DOCK1: variants seen among roughly 807,000 people sequenced by gnomAD.
DOCK1 encodes the protein dedicator of cytokinesis 1, also known as dedicator of cytokinesis protein 1.
In DOCK1, 138 loss-of-function variants were observed where a neutral mutation model predicts 262.7. That is an observed-to-expected ratio of 0.53 (90% CI 0.46 to 0.61). The LOEUF (loss-of-function observed/expected upper bound fraction) is 0.61, where lower values mean the gene tolerates loss of function less well. Ranked by LOEUF, DOCK1 falls within the 20% of genes least tolerant of loss-of-function variation. The pLI is 0.00. For missense variants in DOCK1, 1,908 were observed against 2,370.7 expected (o/e 0.80, Z 4.05); for synonymous variants, 866 against 867.4 (o/e 1.00, Z 0.03).
intron 11 of DOCK1, among the ~76,000 whole-genome samples, chr10:127,010,633 T>C (rs1180486607): frequency 1.4e-4 from 22 of 152,180 alleles, no homozygotes; most frequent in Admixed American, 1.4e-3. Context: ...TTATGTTGTT[T>C]TGTAGTCCCA....
intron 1 of DOCK1, among the ~76,000 whole-genome samples, chr10:126,954,687 C>T (rs1470234349): frequency 2.6e-5 from 4 of 152,210 alleles, no homozygotes; most frequent in Non-Finnish European, 5.9e-5. Context: ...TCACACGCTT[C>T]TGTCCTTTTG....
At chr10:127,279,575 A>G (rs181811556) in intron 29 of DOCK1, among the ~76,000 whole-genome samples, 149 of 152,312 alleles carry the variant, frequency 9.8e-4, no homozygotes, top group African/African-American at 3.4e-3. Flanking sequence ...GGTTGAGTAA[A>G]TATTTGGGGT....
chr10:127,361,812 G>C (rs1050537300), intron 32 of DOCK1, among the ~76,000 whole-genome samples: 5 of 152,196 alleles, frequency 3.3e-5, no homozygotes, highest in African/African-American at 1.2e-4. Context: ...TGACAGAGAA[G>C]TCATGATTAC....
At chr10:127,034,448 C>T (rs983610851) in intron 18 of DOCK1, among the ~76,000 whole-genome samples, 8 of 152,150 alleles carry the variant, frequency 5.3e-5, no homozygotes, top group East Asian at 1.9e-4. Context: ...TCCCACAACA[C>T]GTGGGAATTC....
chr10:126,998,933 G>A (rs2040398982), intron 8 of DOCK1, among the ~76,000 whole-genome samples: 1 of 152,124 alleles, frequency 6.6e-6, no homozygotes, highest in Admixed American at 6.5e-5. Flanking sequence ...AATACGAGTG[G>A]ATTTTATTCT....
rs71032535 is a variant in DOCK1, at chr10:127,070,250, CTTTTTTTTTTT to C, written c.2445+8485_2445+8495del. 9.7e-5 allele frequency among the ~76,000 whole-genome samples: 9 copies of C among 92,952 alleles called. No individual in the cohort carries two copies. In the South Asian group the frequency reaches 3.7e-3, roughly 39 times the overall value. The allele number at this position is 92,952 out of a possible 152,430, so 61.0% of individuals were successfully genotyped here. ...CAAGGGTTGGAACTTGAATTTAGCCCTTTTTTTTTTTTTTTTTTTTTGAGATGGAGTCTCGC... is the reference window on the plus strand; with the variant it reads ...CAAGGGTTGGAACTTGAATTTAGCCCTTTTTTTTTTGAGATGGAGTCTCGC... On this transcript the variant is annotated intron_variant, in intron 23 of 51. Transcript: ENST00000623213.
At chr10:127,145,927 C>T (rs370116607) in intron 27 of DOCK1, 7 of 495,908 alleles carry the variant, frequency 1.4e-5, no homozygotes, top group Non-Finnish European at 2.4e-5. Flanking sequence ...TGCAGGAGGT[C>T]CCTTCTCAAA....
intron 27 of DOCK1, among the ~76,000 whole-genome samples, chr10:127,230,312 C>G (rs890082928): frequency 6.6e-6 from 1 of 151,890 alleles, no homozygotes; most frequent in Admixed American, 6.6e-5. Context: ...TTTTATTGTG[C>G]TTTTTAAGGT....
intron 25 of DOCK1, 71 bp from the exon 26 acceptor site, chr10:127,125,403 C>G (rs2049884800): frequency 6.3e-7 from 1 of 1,596,594 alleles, no homozygotes; most frequent in African/African-American, 1.3e-5. Flanking sequence ...AAAGGGCAGA[C>G]AAGCTTATAG....
intron 28 of DOCK1, among the ~76,000 whole-genome samples, chr10:127,251,371 A>T (rs75359829): frequency 0.33 from 49,793 of 150,458 alleles, 9,406 homozygotes; most frequent in South Asian, 0.57. Flanking sequence ...AACACTTTCC[A>T]TTTTTTTTTA....
intron 11 of DOCK1, among the ~76,000 whole-genome samples, chr10:127,010,658 T>C (rs888971910): frequency 1.3e-5 from 2 of 151,986 alleles, no homozygotes; most frequent in Non-Finnish European, 2.9e-5. Flanking sequence ...GTGAGGAGAG[T>C]TTATAAAGGG....
At chr10:127,440,771 G>T (rs2070063929) in intron 49 of DOCK1, among the ~76,000 whole-genome samples, 1 of 152,232 alleles carries the variant, frequency 6.6e-6, no homozygotes, top group African/African-American at 2.4e-5. Flanking sequence ...TGTGGCTGCA[G>T]CTGGGCTGGA....
intron 27 of DOCK1, among the ~76,000 whole-genome samples, chr10:127,199,651 G>T (rs554228631): frequency 5.5e-4 from 83 of 152,268 alleles, no homozygotes; most frequent in Non-Finnish European, 8.2e-4. Context: ...GTTATCAATG[G>T]TGGAAAATAT....
chr10:127,261,014 T>C (rs1300648016), intron 29 of DOCK1, among the ~76,000 whole-genome samples: 1 of 143,728 alleles, frequency 7.0e-6, no homozygotes, highest in Non-Finnish European at 1.5e-5. Flanking sequence ...CCTGCATGTG[T>C]GTGCATGTGG....
chr10:126,936,540 C>G (rs2034567989), intron 1 of DOCK1, among the ~76,000 whole-genome samples: 1 of 152,150 alleles, frequency 6.6e-6, no homozygotes, highest in African/African-American at 2.4e-5. Context: ...AACATAAAAA[C>G]CATTCTTAGC....
intron 27 of DOCK1, among the ~76,000 whole-genome samples, chr10:127,179,239 T>C (rs1226948226): frequency 1.3e-5 from 2 of 152,218 alleles, no homozygotes; most frequent in Non-Finnish European, 2.9e-5. Flanking sequence ...TTCTAGGTCT[T>C]GGACGCAACC....
At chr10:127,277,621 G>C (rs1336929453) in intron 29 of DOCK1, among the ~76,000 whole-genome samples, 1 of 152,058 alleles carries the variant, frequency 6.6e-6, no homozygotes, top group East Asian at 1.9e-4. Context: ...TTATTAGCTG[G>C]GTGTGGTGGC....
intron 27 of DOCK1, among the ~76,000 whole-genome samples, chr10:127,212,323 A>G (rs1190062866): frequency 3.9e-5 from 6 of 152,196 alleles, no homozygotes; most frequent in African/African-American, 1.2e-4. Context: ...GTGTGACAAC[A>G]CTGGCTGCAT....
intron 19 of DOCK1, among the ~76,000 whole-genome samples, chr10:127,040,733 C>A (rs1217020108): frequency 1.3e-5 from 2 of 152,128 alleles, no homozygotes; most frequent in Admixed American, 1.3e-4. Context: ...TGTGTGATCA[C>A]CTCACCCATT....
Sources: gnomAD v4.1 joint callset for allele counts (sites outside exome capture counted in the v4.1 genomes callset) on GRCh38, gnomAD v4.1.1 for gene constraint, MANE v1.5 for transcripts, NCBI Gene and HGNC (gene_info 2026-07-23, HGNC 2026-07-21) for gene names.